Variants in KLRG2 observed in about 807,000 individuals in gnomAD.
KLRG2 encodes killer cell lectin like receptor G2, also known as killer cell lectin-like receptor subfamily G member 2.
KLRG2 carries 39 observed loss-of-function variants against 35.4 expected under a neutral mutation model. That is an observed-to-expected ratio of 1.10 (90% CI 0.85 to 1.44). KLRG2 has a LOEUF of 1.44. KLRG2 is among the 40% of genes most tolerant of loss of function. KLRG2 has a pLI of 0.00. For missense variants in KLRG2, 632 were observed against 570.9 expected (o/e 1.11, Z -1.09); for synonymous variants, 283 against 265.8 (o/e 1.06, Z -0.63).
chr7:139,438,411 C>T, the KLRG2 span, among the ~76,000 whole-genome samples: 1 of 152,052 alleles, frequency 6.6e-6, no homozygotes, highest in East Asian at 1.9e-4. Flanking sequence ...TATACAGGGT[C>T]TTGCTTTGTT....
At chr7:139,468,932 C>T (rs1796711967) in intron 3 of KLRG2, among the ~76,000 whole-genome samples, 1 of 152,134 alleles carries the variant, frequency 6.6e-6, no homozygotes, top group African/African-American at 2.4e-5. Context: ...TAAATTTAGA[C>T]ATGCCGAGAG....
chr7:139,428,798 T>C, the KLRG2 span, among the ~76,000 whole-genome samples: 39 of 152,324 alleles, frequency 2.6e-4, no homozygotes, highest in African/African-American at 8.9e-4. Context: ...TGCCATTACA[T>C]AGAAGAATAT....
chr7:139,473,579 GACAA>G (rs1299236314), intron 3 of KLRG2, among the ~76,000 whole-genome samples: 1 of 152,200 alleles, frequency 6.6e-6, no homozygotes, highest in South Asian at 2.1e-4. Flanking sequence ...ACATGCAAAA[GACAA>G]ACAATAAACA....
At chr7:139,445,797 G>GTGTATATATATA in the KLRG2 span, among the ~76,000 whole-genome samples, 2 of 99,056 alleles carry the variant, frequency 2.0e-5, no homozygotes, top group Non-Finnish European at 1.8e-5. Context: ...ATATATGTGT[G>GTGTATATATATA]TATATATATA....
chr7:139,463,593 G>A (rs1796604835), intron 3 of KLRG2, among the ~76,000 whole-genome samples: 1 of 152,214 alleles, frequency 6.6e-6, no homozygotes, highest in African/African-American at 2.4e-5. Flanking sequence ...ACTGGGCCAA[G>A]GAATGCCCGC....
At chr7:139,432,592 C>A in the KLRG2 span, among the ~76,000 whole-genome samples, 3 of 141,202 alleles carry the variant, frequency 2.1e-5, no homozygotes, top group East Asian at 7.2e-4. Flanking sequence ...AACTGTTCCT[C>A]AGGTCTGAGT....
At chr7:139,433,723 C>T in the KLRG2 span, among the ~76,000 whole-genome samples, 3 of 151,440 alleles carry the variant, frequency 2.0e-5, no homozygotes, top group Admixed American at 2.0e-4. Flanking sequence ...GCAACCTCCA[C>T]CTCCGGGGTT....
chr7:139,479,622 C>A lies in KLRG2; in HGVS notation c.1005+5G>T. On this transcript the variant is annotated splice_donor_5th_base_variant and intron_variant, in intron 3 of 4. Coordinates refer to ENST00000340940, the MANE Select transcript of KLRG2 (RefSeq NM_198508.4). ...ACCCCCTTAGATTGGACACCCCCTT[C>A]TCACCTGGGTGTGGCTTAGCAGGGG... 6.2e-7 allele frequency: 1 copy of A among 1,611,336 alleles called. No individual in the cohort carries two copies. The highest frequency in any genetic ancestry group is 1.1e-5 in the South Asian group (1 of 91,028).
At chr7:139,441,544 A>G in the KLRG2 span, among the ~76,000 whole-genome samples, 24 of 152,282 alleles carry the variant, frequency 1.6e-4, no homozygotes, top group Non-Finnish European at 3.1e-4. Flanking sequence ...GCAACAAACC[A>G]ACATGGCACA....
intron 3 of KLRG2, among the ~76,000 whole-genome samples, chr7:139,469,081 G>A (rs1436565657): frequency 2.0e-5 from 3 of 152,230 alleles, no homozygotes; most frequent in Non-Finnish European, 2.9e-5. Context: ...TCAGGACTGT[G>A]AGAAAGTCAG....
At chr7:139,452,685 A>T (rs141961620), downstream of KLRG2, 2 of 152,326 alleles carry the variant, frequency 1.3e-5, no homozygotes, top group East Asian at 3.9e-4. Context: ...GTCTAGCTGG[A>T]CTCAAGGAAC....
intron 3 of KLRG2, among the ~76,000 whole-genome samples, chr7:139,469,494 G>A (rs995882692): frequency 3.3e-5 from 5 of 151,902 alleles, no homozygotes; most frequent in Non-Finnish European, 2.9e-5. Flanking sequence ...GTTTCGCTCC[G>A]TCACCCAGTA....
intron 3 of KLRG2, among the ~76,000 whole-genome samples, chr7:139,474,584 C>A (rs1421938987): frequency 6.6e-6 from 1 of 151,826 alleles, no homozygotes; most frequent in Non-Finnish European, 1.5e-5. Context: ...CATGGTGAAA[C>A]CCCATCTTTA....
downstream of KLRG2, among the ~76,000 whole-genome samples, chr7:139,449,052 G>A (rs1434925603): frequency 6.6e-6 from 1 of 151,356 alleles, no homozygotes; most frequent in Non-Finnish European, 1.5e-5. Flanking sequence ...GTTGCAGTGA[G>A]CCGAGATCGC....
At chr7:139,450,167 C>G (rs188779571), downstream of KLRG2, among the ~76,000 whole-genome samples, 6 of 151,972 alleles carry the variant, frequency 3.9e-5, no homozygotes, top group Non-Finnish European at 7.4e-5. Context: ...CTCAGCCTCC[C>G]GAGTAGCTGG....
chr7:139,429,517 G>A, the KLRG2 span, among the ~76,000 whole-genome samples: 37 of 151,800 alleles, frequency 2.4e-4, no homozygotes, highest in Admixed American at 6.6e-4. Context: ...AGAGGACCCT[G>A]CGGCCTTCCG....
the KLRG2 span, among the ~76,000 whole-genome samples, chr7:139,429,818 C>G: frequency 1.6e-3 from 237 of 152,286 alleles, 1 homozygote; most frequent in African/African-American, 5.5e-3. Flanking sequence ...CTTTTCCCCA[C>G]CTTCCCCCCC....
At chr7:139,470,561 G>A (rs1796738477) in intron 3 of KLRG2, among the ~76,000 whole-genome samples, 1 of 152,202 alleles carries the variant, frequency 6.6e-6, no homozygotes, top group Non-Finnish European at 1.5e-5. Context: ...GGAGCCTGAG[G>A]TGGGAGGATC....
chr7:139,438,969 C>T, the KLRG2 span, among the ~76,000 whole-genome samples: 1 of 136,838 alleles, frequency 7.3e-6, no homozygotes, highest in East Asian at 2.5e-4. Context: ...GCTGGGATTA[C>T]AGGCGTGAGC....
Sources: allele counts gnomAD v4.1 joint callset (sites outside exome capture counted in the v4.1 genomes callset), GRCh38; gene constraint gnomAD v4.1.1; transcripts MANE v1.5; gene names NCBI Gene and HGNC (gene_info 2026-07-23, HGNC 2026-07-21).